The following RAB27A variants were observed in gnomAD, a reference collection of about 807,000 sequenced individuals.
The protein encoded by RAB27A is ras-related protein Rab-27A.
In RAB27A, 17 loss-of-function variants were observed where a neutral mutation model predicts 20.8. The observed-to-expected ratio is 0.82, with a 90% CI of 0.56 to 1.23. The LOEUF (loss-of-function observed/expected upper bound fraction) is 1.23. RAB27A is among the 50% of genes most tolerant of loss of function. RAB27A has a pLI of 0.00. For synonymous variants in RAB27A, 85 were observed against 92.8 expected (o/e 0.92, Z 0.48); for missense variants, 277 against 266.7 (o/e 1.04, Z -0.27).
intron 2 of RAB27A, among the ~76,000 whole-genome samples, chr15:55,236,453 G>C (rs1381484545): frequency 6.6e-6 from 1 of 152,052 alleles, no homozygotes; most frequent in African/African-American, 2.4e-5. Flanking sequence ...CCACAACCAA[G>C]GGCTCGCTTA....
chr15:55,275,207 G>A (rs1482508240), intron 1 of RAB27A, among the ~76,000 whole-genome samples: 1 of 151,382 alleles, frequency 6.6e-6, no homozygotes, highest in Non-Finnish European at 1.5e-5. Flanking sequence ...AGTCGAGATT[G>A]CTCCATTGCA....
intron 6 of RAB27A, among the ~76,000 whole-genome samples, chr15:55,212,278 G>A (rs1895064498): frequency 1.3e-5 from 2 of 152,086 alleles, no homozygotes; most frequent in African/African-American, 4.8e-5. Context: ...GTTAGGATTT[G>A]GGTCCACAGC....
At chr15:55,252,703 C>T (rs1213918158) in intron 2 of RAB27A, among the ~76,000 whole-genome samples, 1 of 150,646 alleles carries the variant, frequency 6.6e-6, no homozygotes, top group Non-Finnish European at 1.5e-5. Flanking sequence ...TACAGATATA[C>T]GTATCTATCT....
intron 1 of RAB27A, among the ~76,000 whole-genome samples, chr15:55,284,594 T>G (rs1302171506): frequency 6.6e-6 from 1 of 152,232 alleles, no homozygotes; most frequent in Non-Finnish European, 1.5e-5. Context: ...TGAGAATGGC[T>G]TTGGCTGCCA....
intron 2 of RAB27A, among the ~76,000 whole-genome samples, chr15:55,246,596 T>C (rs973103128): frequency 1.3e-5 from 2 of 150,888 alleles, no homozygotes; most frequent in South Asian, 2.1e-4. Context: ...CCTTGCTCCA[T>C]AGATATAGGG....
At chr15:55,235,019 A>G in intron 2 of RAB27A, 63 bp from the exon 3 acceptor site, 1 of 1,315,620 alleles carries the variant, frequency 7.6e-7, no homozygotes, top group Non-Finnish European at 1.1e-6. Flanking sequence ...TATCCATTTA[A>G]AAAGTGACAA....
rs141362723 is a variant in RAB27A at position 55,205,622 on chromosome 15, C to A, written c.551G>T (p.Arg184Leu). The A allele has an allele frequency of 6.2e-7, 1 of 1,613,986 alleles. No individual in the cohort carries two copies. Among genetic ancestry groups the A allele is most frequent in the Admixed American group, 1.7e-5 (1 of 60,000 alleles). ...GGACTTGTCCACACACCGTTCCATT[C>A]GCTTCATTATCAGGTCCAGAAGCAT... is the stretch of plus-strand genomic sequence containing the variant. ...IEMLLDLIMKRMERCVDKSWI... is the reference protein window; with the variant it reads ...IEMLLDLIMKLMERCVDKSWI... Residue 184 changes from arginine (R) to leucine (L), a missense_variant, in exon 7 of 7, where the codon CGA (arginine) becomes CTA (leucine). Arg to Leu is a moderately radical substitution (Grantham distance 102). Transcript: ENST00000336787.
Position 55,228,730 on chromosome 15 carries a change from G to A in RAB27A, c.240-18C>T, listed in dbSNP as rs780537834. 1.9e-6 allele frequency: 3 copies of A among 1,568,738 alleles called. No individual in the cohort carries two copies. The highest frequency in any genetic ancestry group is 2.6e-6 in the Non-Finnish European group (3 of 1,138,764). ...TACGAAACCTAGGAACATAAAAGCAGAATGGTCAGTTAAACCACGGCCCCA... is the reference window on the plus strand; with the variant it reads ...TACGAAACCTAGGAACATAAAAGCAAAATGGTCAGTTAAACCACGGCCCCA... On this transcript the variant is annotated intron_variant, in intron 4 of 6. Coordinates refer to ENST00000336787, the MANE Select transcript of RAB27A (RefSeq NM_183235.3).
chr15:55,248,468 A>G (rs1896770485), intron 2 of RAB27A, among the ~76,000 whole-genome samples: 1 of 152,152 alleles, frequency 6.6e-6, no homozygotes, highest in Non-Finnish European at 1.5e-5. Context: ...ACCCTCCTCA[A>G]TAAATTCATA....
intron 2 of RAB27A, among the ~76,000 whole-genome samples, chr15:55,237,707 T>G (rs902459123): frequency 6.6e-6 from 1 of 152,170 alleles, no homozygotes; most frequent in African/African-American, 2.4e-5. Flanking sequence ...ATTTGAGGGC[T>G]TCCCCTCAAA....
At chr15:55,313,870 G>A (rs1183733163) in intron 2 of RAB27A, 1 of 152,306 alleles carries the variant, frequency 6.6e-6, no homozygotes, top group Non-Finnish European at 1.5e-5. Context: ...CTACTCAGGA[G>A]GCTGAGGCAG....
chr15:55,258,574 T>G (rs1897165142), intron 2 of RAB27A, among the ~76,000 whole-genome samples: 1 of 152,212 alleles, frequency 6.6e-6, no homozygotes, highest in African/African-American at 2.4e-5. Flanking sequence ...TCCTGGGCTA[T>G]ACCTATGCAC....
chr15:55,225,857 C>G lies in RAB27A; in HGVS notation c.344-1845G>C, dbSNP rs1012392933. ...TAATGGATGTAATAAGGACCCTATA[C>G]ACAGTATAAAATGTAACAGGGGTTA... On this transcript the variant is annotated intron_variant, in intron 5 of 6. Coordinates refer to ENST00000336787, the MANE Select transcript of RAB27A (RefSeq NM_183235.3). 2.6e-5 allele frequency among the ~76,000 whole-genome samples: 4 copies of G among 151,544 alleles called. No homozygotes were observed. In the East Asian group the frequency reaches 7.7e-4, roughly 29 times the overall value.
intron 5 of RAB27A, 63 bp from the exon 6 acceptor site, chr15:55,224,075 A>T (rs1895701632): frequency 2.4e-5 from 32 of 1,322,468 alleles, no homozygotes; most frequent in Non-Finnish European, 3.3e-5. Context: ...ATCAGTGAAC[A>T]ATACATGCAA....
chr15:55,226,829 T>C (rs950955804), intron 5 of RAB27A, among the ~76,000 whole-genome samples: 2 of 147,580 alleles, frequency 1.4e-5, no homozygotes, highest in African/African-American at 5.1e-5. Flanking sequence ...GACTGCACCA[T>C]TGCACTCCAG....
chr15:55,231,840 T>G (rs888430501), intron 3 of RAB27A, among the ~76,000 whole-genome samples: 9 of 152,094 alleles, frequency 5.9e-5, no homozygotes, highest in Non-Finnish European at 5.9e-5. Flanking sequence ...CTATCAGCAG[T>G]AATTATTTAA....
At chr15:55,307,069 G>T (rs1169348696) in intron 2 of RAB27A, among the ~76,000 whole-genome samples, 1 of 151,984 alleles carries the variant, frequency 6.6e-6, no homozygotes, top group East Asian at 1.9e-4. Context: ...CCGCAGTTGG[G>T]ATAGATAAAA....
intron 6 of RAB27A, among the ~76,000 whole-genome samples, chr15:55,223,644 G>A (rs1422292308): frequency 1.3e-5 from 2 of 152,176 alleles, no homozygotes; most frequent in Admixed American, 6.5e-5. Flanking sequence ...ACAACTCAAA[G>A]TTGTCTCTCT....
chr15:55,269,146 T>C (rs747165067), intron 2 of RAB27A, among the ~76,000 whole-genome samples: 1 of 152,188 alleles, frequency 6.6e-6, no homozygotes, highest in Non-Finnish European at 1.5e-5. Flanking sequence ...AGGCAATAAA[T>C]TTCTGTTTTT....
Sources: gnomAD v4.1 joint callset for allele counts (sites outside exome capture counted in the v4.1 genomes callset) on GRCh38, gnomAD v4.1.1 for gene constraint, MANE v1.5 for transcripts, NCBI Gene and HGNC (gene_info 2026-07-23, HGNC 2026-07-21) for gene names.